Variants in FOXJ3 observed in about 807,000 individuals in gnomAD.
FOXJ3 encodes the protein forkhead box J3.
In FOXJ3, 22 loss-of-function variants were observed where a neutral mutation model predicts 76.1. That is an observed-to-expected ratio of 0.29 (90% CI 0.21 to 0.41). FOXJ3 has a LOEUF of 0.41. Ranked by LOEUF, FOXJ3 falls within the 10% of genes least tolerant of loss-of-function variation. The probability of loss-of-function intolerance (pLI) is 1.00; values close to 1 mark genes in which losing one functional copy is unlikely to be tolerated. For missense variants in FOXJ3, 613 were observed against 762.1 expected (o/e 0.80, Z 2.30); for synonymous variants, 269 against 261.2 (o/e 1.03, Z -0.29).
At chr1:42,309,089 G>GT (rs550524722) in intron 2 of FOXJ3, among the ~76,000 whole-genome samples, 36 of 150,610 alleles carry the variant, frequency 2.4e-4, no homozygotes, top group African/African-American at 8.8e-4. Context: ...AACTACAAAC[G>GT]TAACTTCATT....
intron 6 of FOXJ3, among the ~76,000 whole-genome samples, chr1:42,205,255 T>G (rs2124317671): frequency 6.6e-6 from 1 of 152,312 alleles, no homozygotes; most frequent in African/African-American, 2.4e-5. Flanking sequence ...AAGTTGTGAC[T>G]CAACCATCAA....
At chr1:42,314,706 T>C (rs1655008132) in intron 1 of FOXJ3, among the ~76,000 whole-genome samples, 1 of 152,238 alleles carries the variant, frequency 6.6e-6, no homozygotes, top group Non-Finnish European at 1.5e-5. Context: ...ATTTGGCTCT[T>C]AAACCTAAGT....
intron 7 of FOXJ3, among the ~76,000 whole-genome samples, chr1:42,197,677 A>G (rs1646678381): frequency 6.6e-6 from 1 of 151,600 alleles, no homozygotes; most frequent in Admixed American, 6.6e-5. Context: ...TCTTTAAAAA[A>G]AAAAAAGAAA....
intron 2 of FOXJ3, among the ~76,000 whole-genome samples, chr1:42,290,186 A>C (rs751270077): frequency 6.6e-6 from 1 of 152,136 alleles, no homozygotes; most frequent in Non-Finnish European, 1.5e-5. Context: ...GAGAAAAATT[A>C]GAGGACTACA....
At chr1:42,187,049 T>C (rs1483752245) in intron 11 of FOXJ3, among the ~76,000 whole-genome samples, 1 of 152,150 alleles carries the variant, frequency 6.6e-6, no homozygotes, top group Non-Finnish European at 1.5e-5. Context: ...GGTTTCGCCA[T>C]GTTGGCCAGG....
upstream of FOXJ3, chr1:42,335,615 C>G (rs1161773532): frequency 6.6e-6 from 1 of 152,108 alleles, no homozygotes; most frequent in Non-Finnish European, 1.5e-5. Flanking sequence ...CCCCAACATC[C>G]GCCACCTCAC....
intron 1 of FOXJ3, among the ~76,000 whole-genome samples, chr1:42,330,021 T>C (rs927751833): frequency 6.6e-6 from 1 of 152,184 alleles, no homozygotes; most frequent in Non-Finnish European, 1.5e-5. Context: ...TCTGTGCCCA[T>C]TTCCTCATCT....
chr1:42,189,489 T>C, intron 9 of FOXJ3, 85 bp from the exon 10 acceptor site: 2 of 914,968 alleles, frequency 2.2e-6, no homozygotes. Flanking sequence ...CCCTTATTCC[T>C]GAAATTGGCT....
chr1:42,261,384 T>C (rs1651024963), intron 4 of FOXJ3, among the ~76,000 whole-genome samples: 2 of 151,956 alleles, frequency 1.3e-5, no homozygotes, highest in South Asian at 4.1e-4. Flanking sequence ...CAAAACTGAA[T>C]TTCATTTTGT....
intron 1 of FOXJ3, among the ~76,000 whole-genome samples, chr1:42,313,727 G>A (rs1434635475): frequency 6.6e-6 from 1 of 152,136 alleles, no homozygotes; most frequent in Non-Finnish European, 1.5e-5. Context: ...ACTTTCGTGG[G>A]GAACCTGGCG....
intron 6 of FOXJ3, among the ~76,000 whole-genome samples, chr1:42,200,979 T>C (rs573270208): frequency 1.3e-5 from 2 of 152,340 alleles, no homozygotes; most frequent in African/African-American, 4.8e-5. Flanking sequence ...TATGTCATTT[T>C]CTTTCAGTAA....
rs1050434076 is a variant in FOXJ3, at chr1:42,287,846, C to T, written c.45-9174G>A. Among the ~76,000 whole-genome samples the T allele has an allele frequency of 5.9e-5, 9 of 152,048 alleles. No individual in the cohort carries two copies. The East Asian group carries it at 1.7e-3, about 29-fold the overall frequency. On this transcript the variant is annotated intron_variant, in intron 2 of 12. Transcript: ENST00000361346. Reference sequence around the variant, plus strand: ...AAGTGTGGTAGTGTGTCCCTGTAGTCCCAGCTACCCAGAAGGCTAAGAGTG... The same window carrying T: ...AAGTGTGGTAGTGTGTCCCTGTAGTTCCAGCTACCCAGAAGGCTAAGAGTG...
chr1:42,304,031 ACTC>A (rs1213992569), intron 2 of FOXJ3, among the ~76,000 whole-genome samples: 1 of 152,110 alleles, frequency 6.6e-6, no homozygotes, highest in African/African-American at 2.4e-5. Flanking sequence ...AAACCTAAAG[ACTC>A]CACTAAAAAA....
intron 5 of FOXJ3, among the ~76,000 whole-genome samples, chr1:42,213,632 G>A (rs887591524): frequency 1.3e-5 from 2 of 152,074 alleles, no homozygotes; most frequent in African/African-American, 4.8e-5. Flanking sequence ...ATACACAATG[G>A]AATATTATTC....
chr1:42,311,009 T>C, intron 2 of FOXJ3, 41 bp downstream of exon 2: 2 of 1,260,376 alleles, frequency 1.6e-6, no homozygotes, highest in Non-Finnish European at 2.2e-6. Context: ...ACTTTTAAAA[T>C]GTTATATGTT....
intron 4 of FOXJ3, among the ~76,000 whole-genome samples, chr1:42,247,497 G>A (rs1325005908): frequency 6.6e-6 from 1 of 152,098 alleles, no homozygotes; most frequent in Non-Finnish European, 1.5e-5. Flanking sequence ...CTCCAAAGGA[G>A]ATGTACAAAT....
intron 4 of FOXJ3, among the ~76,000 whole-genome samples, chr1:42,247,922 T>C (rs1386911127): frequency 6.6e-6 from 1 of 152,158 alleles, no homozygotes; most frequent in Non-Finnish European, 1.5e-5. Context: ...CATTCTGGCA[T>C]AAAAAGGAAT....
Position 42,181,949 on chromosome 1 carries a change from T to C in FOXJ3, c.1721A>G (p.Gln574Arg). The change falls in exon 12 of 13, where the codon CAG becomes CGG. Residue 574 changes from glutamine (Q) to arginine (R), a missense_variant. Gln to Arg is a conservative substitution (Grantham distance 43). Around this residue, in one of 3 missense-constraint regions of FOXJ3, gnomAD observed 526 missense variants for 601.4 expected, o/e 0.87. Coordinates refer to ENST00000361346, the MANE Select transcript of FOXJ3 (RefSeq NM_014947.5). Reference protein sequence around the residue: ...MPPPGYPHIPQALSTPGTTMA... With the variant: ...MPPPGYPHIPRALSTPGTTMA... The stretch of plus-strand genomic sequence containing the variant: ...CGTTGTTCCTGGAGTGCTGAGTGCC[T>C]GTGGGATATGAGGATAACCAGGGGG... 6.2e-7 allele frequency: 1 copy of C among 1,613,140 alleles called. No homozygotes were observed. Among genetic ancestry groups the C allele is most frequent in the Non-Finnish European group, 8.5e-7 (1 of 1,179,320 alleles).
At chr1:42,309,608 CAT>C (rs1308367329) in intron 2 of FOXJ3, among the ~76,000 whole-genome samples, 1 of 152,156 alleles carries the variant, frequency 6.6e-6, no homozygotes, top group Non-Finnish European at 1.5e-5. Context: ...AGGATTTTTA[CAT>C]GTTATGCTCA....
Sources: gnomAD v4.1 joint callset for allele counts (sites outside exome capture counted in the v4.1 genomes callset) on GRCh38, gnomAD v4.1.1 for gene constraint, gnomAD v4.1.1 regional missense constraint, MANE v1.5 for transcripts, NCBI Gene and HGNC (gene_info 2026-07-23, HGNC 2026-07-21) for gene names.